AKAP7: variants seen among roughly 807,000 people sequenced by gnomAD.
AKAP7 encodes A-kinase anchoring protein 7.
In AKAP7, 39 loss-of-function variants were observed where a neutral mutation model predicts 39.5. The observed-to-expected ratio is 0.99, with a 90% CI of 0.76 to 1.29. The LOEUF is 1.29. Ranked by LOEUF, AKAP7 falls within the 50% of genes most tolerant of loss-of-function variation. The pLI is 0.00. For missense variants in AKAP7, 414 were observed against 407.7 expected, an observed-to-expected ratio of 1.02 and a Z score of -0.13; for synonymous variants, 140 against 139.1, an observed-to-expected ratio of 1.01 and a Z score of -0.05.
intron 6 of AKAP7, 55 bp downstream of exon 6, chr6:131,199,628 C>T (rs1041565277): frequency 3.3e-5 from 44 of 1,351,894 alleles, no homozygotes; most frequent in African/African-American, 4.3e-5. Flanking sequence ...CAGCCATAAG[C>T]ATGGTCTGGA....
At chr6:131,231,003 C>T (rs1318083663) in intron 7 of AKAP7, among the ~76,000 whole-genome samples, 3 of 152,028 alleles carry the variant, frequency 2.0e-5, no homozygotes, top group Non-Finnish European at 4.4e-5. Context: ...AGGCCAAAAA[C>T]GTTAAAAGAA....
intron 6 of AKAP7, among the ~76,000 whole-genome samples, chr6:131,201,125 C>T (rs1191061668): frequency 6.6e-6 from 1 of 152,110 alleles, no homozygotes; most frequent in Non-Finnish European, 1.5e-5. Context: ...TAACTGAGAT[C>T]ACAGTCTTAT....
chr6:131,189,943 A>C (rs573591853), intron 5 of AKAP7, among the ~76,000 whole-genome samples: 1 of 152,182 alleles, frequency 6.6e-6, no homozygotes, highest in Admixed American at 6.5e-5. Flanking sequence ...GAATTAAGCA[A>C]TCTCAATTAT....
chr6:131,168,430 C>T (rs981981026), intron 4 of AKAP7, among the ~76,000 whole-genome samples: 1 of 149,846 alleles, frequency 6.7e-6, no homozygotes, highest in African/African-American at 2.5e-5. Context: ...GAGAAAGAGA[C>T]AGAAGGAGAC....
At chr6:131,221,929 C>T (rs757661589) in intron 7 of AKAP7, among the ~76,000 whole-genome samples, 77 of 152,308 alleles carry the variant, frequency 5.1e-4, no homozygotes, top group Non-Finnish European at 6.3e-4. Flanking sequence ...AGTGTCCATT[C>T]TGCAGCTCAT....
At chr6:131,158,311 G>A (rs1802605155) in intron 2 of AKAP7, among the ~76,000 whole-genome samples, 1 of 152,148 alleles carries the variant, frequency 6.6e-6, no homozygotes, top group African/African-American at 2.4e-5. Flanking sequence ...GTTGAGCCCA[G>A]ACTTCTTTTC....
rs753502504 is a variant in AKAP7, at chr6:131,282,432, A to G, written c.*706A>G. ...CCTATTGGAATTCGAGACTTAATTA[A>G]TGAAGCTTTGCATCGAGAAACGATG... On this transcript the variant is annotated 3_prime_UTR_variant, in exon 8 of 8. Coordinates refer to ENST00000431975, the MANE Select transcript of AKAP7 (RefSeq NM_016377.4). 3.3e-6 allele frequency: 5 copies of G among 1,520,164 alleles called. No individual in the cohort carries two copies. Among genetic ancestry groups the G allele is most frequent in the Admixed American group, 4.0e-5 (2 of 49,754 alleles). The allele number at this position is 1,520,164 out of a possible 1,614,324, so 94.2% of individuals were successfully genotyped here.
intron 7 of AKAP7, chr6:131,250,227 T>C (rs1812330903): frequency 9.7e-7 from 1 of 1,032,752 alleles, no homozygotes; most frequent in Non-Finnish European, 1.2e-6. Context: ...CTTAAAGACA[T>C]ATGCAAATAG....
At chr6:131,264,506 A>G (rs1028094861) in intron 7 of AKAP7, among the ~76,000 whole-genome samples, 1 of 152,218 alleles carries the variant, frequency 6.6e-6, no homozygotes, top group African/African-American at 2.4e-5. Context: ...TTCAAGAAAT[A>G]TATTGTATAA....
intron 7 of AKAP7, among the ~76,000 whole-genome samples, chr6:131,224,896 G>T (rs928369714): frequency 1.5e-4 from 22 of 151,436 alleles, no homozygotes; most frequent in Admixed American, 1.2e-3. Flanking sequence ...GACTACAAGT[G>T]TGCGCCACCA....
chr6:131,268,966 T>C (rs1309668339), intron 7 of AKAP7, among the ~76,000 whole-genome samples: 4 of 152,258 alleles, frequency 2.6e-5, no homozygotes, highest in Non-Finnish European at 4.4e-5. Context: ...TTTGAAACTA[T>C]ATTTATTTCT....
chr6:131,227,764 C>T (rs1382811309), intron 7 of AKAP7, among the ~76,000 whole-genome samples: 2 of 152,134 alleles, frequency 1.3e-5, no homozygotes, highest in East Asian at 1.9e-4. Context: ...GGATAGCCTG[C>T]TCAGACTTTA....
chr6:131,199,854 C>A (rs3903759), intron 6 of AKAP7: 48,700 of 377,446 alleles, frequency 0.13, 3,636 homozygotes, highest in Non-Finnish European at 0.14. Flanking sequence ...CCTGAAGAGC[C>A]TCGAGGTGGT....
In AKAP7 at chr6:131,281,733, A is replaced by T; in HGVS notation, c.*7A>T. ...TGAGAACAACAGGAAATGAGCCCGG[A>T]ACGCAGGCCCCCATGTCTCTGTGCA... On this transcript the variant is annotated 3_prime_UTR_variant, in exon 8 of 8. Coordinates refer to ENST00000431975, the MANE Select transcript of AKAP7 (RefSeq NM_016377.4). The surrounding 1 kb of genome is among the most constrained non-coding windows in gnomAD (Gnocchi z 4.0). 1 of 1,590,484 alleles carries T rather than the reference A, an allele frequency of 6.3e-7. No homozygotes were observed. Among genetic ancestry groups the T allele is most frequent in the Non-Finnish European group, 8.6e-7 (1 of 1,167,956 alleles).
intron 7 of AKAP7, among the ~76,000 whole-genome samples, chr6:131,245,137 T>C (rs953170655): frequency 2.6e-5 from 4 of 152,234 alleles, no homozygotes; most frequent in Non-Finnish European, 5.9e-5. Context: ...TTTCAGAATC[T>C]TTCTCTTTGG....
At chr6:131,187,129 G>A (rs1805943612) in intron 5 of AKAP7, among the ~76,000 whole-genome samples, 3 of 152,034 alleles carry the variant, frequency 2.0e-5, no homozygotes, top group African/African-American at 4.8e-5. Context: ...TGAATTTTAG[G>A]ATGGATTTTT....
At chr6:131,182,239 A>C (rs1008306080) in intron 5 of AKAP7, among the ~76,000 whole-genome samples, 1 of 152,214 alleles carries the variant, frequency 6.6e-6, no homozygotes, top group Non-Finnish European at 1.5e-5. Context: ...TTATTGTGCA[A>C]CCAATCTACG....
intron 7 of AKAP7, chr6:131,241,939 T>C: frequency 1.6e-6 from 1 of 633,232 alleles, no homozygotes; most frequent in Non-Finnish European, 2.0e-6. Context: ...ACAGAGAAAC[T>C]TGCTCTGGTA....
intron 7 of AKAP7, among the ~76,000 whole-genome samples, chr6:131,254,218 T>C (rs569691986): frequency 6.6e-6 from 1 of 152,344 alleles, no homozygotes; most frequent in African/African-American, 2.4e-5. Context: ...TACGGGAACA[T>C]TGTTAACATT....
Sources: gnomAD v4.1 joint callset for allele counts (sites outside exome capture counted in the v4.1 genomes callset) on GRCh38, gnomAD v4.1.1 for gene constraint, Gnocchi (gnomAD v3.1) non-coding constraint, MANE v1.5 for transcripts, NCBI Gene and HGNC (gene_info 2026-07-23, HGNC 2026-07-21) for gene names.